Variants in THNSL1 observed in about 807,000 individuals in gnomAD.
THNSL1 encodes threonine synthase like 1.
A neutral mutation model predicts 50.4 loss-of-function variants in THNSL1; 48 were observed. The observed-to-expected ratio is 0.95, with a 90% CI of 0.76 to 1.21. THNSL1 has a LOEUF of 1.21. Among genes scored for constraint, THNSL1 ranks in the 50% most tolerant of loss-of-function variants. The probability of loss-of-function intolerance (pLI) is 0.00; values close to 1 mark genes in which losing one functional copy is unlikely to be tolerated. For missense variants in THNSL1, 896 were observed against 871.7 expected (o/e 1.03, Z -0.35); for synonymous variants, 309 against 306.1 (o/e 1.01, Z -0.10).
At chr10:25,021,713 T>G (rs1002797090) in intron 1 of THNSL1, 29 bp from the exon 2 acceptor site, 1 of 152,206 alleles carries the variant, frequency 6.6e-6, no homozygotes, top group African/African-American at 2.4e-5. Context: ...TATACAGTTA[T>G]GATTAACTTA....
At chr10:24,952,979 C>T in the THNSL1 span, among the ~76,000 whole-genome samples, 1 of 152,034 alleles carries the variant, frequency 6.6e-6, no homozygotes, top group Non-Finnish European at 1.5e-5. The surrounding 1 kb of genome is among the most constrained non-coding windows in gnomAD (Gnocchi z 5.1). Flanking sequence ...ACGTGTCCCC[C>T]AGGCCCCTGA....
At chr10:24,993,404 A>G in the THNSL1 span, among the ~76,000 whole-genome samples, 1 of 152,236 alleles carries the variant, frequency 6.6e-6, no homozygotes, top group East Asian at 1.9e-4. Context: ...GATTGTTGGA[A>G]ATCACAGTTA....
chr10:25,024,943 C>G lies in THNSL1; in HGVS notation c.1720C>G (p.Arg574Gly). The change falls in exon 3 of 3, where the codon CGA becomes GGA. Residue 574 changes from arginine (R) to glycine (G), a missense_variant. By Grantham distance (125) the Arg-to-Gly change is moderately radical. Transcript: ENST00000376356. ...TATTCTCAAATCTTCAAACCTAGAACGACATTTACACTTGATGGCTAATAA... is the reference window on the plus strand; with the variant it reads ...TATTCTCAAATCTTCAAACCTAGAAGGACATTTACACTTGATGGCTAATAA... Reference protein sequence around the residue: ...IDILKSSNLERHLHLMANKDG... With the variant: ...IDILKSSNLEGHLHLMANKDG... The G allele has an allele frequency of 6.2e-7, 1 of 1,613,978 alleles. No homozygotes were observed. Among genetic ancestry groups the G allele is most frequent in the East Asian group, 2.2e-5 (1 of 44,882 alleles).
chr10:25,024,438 A>G lies in THNSL1; in HGVS notation c.1215A>G (p.Ala405=), dbSNP rs34206149. The part of the protein sequence containing the change: ...KNDKQRIAVV[A]FFPENGVSDF... ...ATAAGCAAAGGATAGCTGTGGTTGCATTTTTTCCTGAGAATGGAGTAAGTG... is the reference window on the plus strand; with the variant it reads ...ATAAGCAAAGGATAGCTGTGGTTGCGTTTTTTCCTGAGAATGGAGTAAGTG... The change falls in exon 3 of 3, where the codon GCA becomes GCG. Residue 405 remains alanine, a synonymous_variant. Transcript: ENST00000376356. 1.5e-3 allele frequency: 2,434 copies of G among 1,614,070 alleles called. 20 individuals are homozygous for G. The highest frequency in any genetic ancestry group is 0.01 in the Middle Eastern group (61 of 6,062).
chr10:25,017,039 G>C lies in THNSL1; in HGVS notation c.-216+347G>C, dbSNP rs527937463. Among the ~76,000 whole-genome samples the C allele has an allele frequency of 2.6e-5, 4 of 152,268 alleles. No individual in the cohort carries two copies. The East Asian group carries it at 7.8e-4, about 30-fold the overall frequency. ...GCTCGCCCTCCCGCCCCTGCTCCCGGGACCGCCCCTTGGGCGGTCCTCCGG... is the reference window on the plus strand; with the variant it reads ...GCTCGCCCTCCCGCCCCTGCTCCCGCGACCGCCCCTTGGGCGGTCCTCCGG... On this transcript the variant is annotated intron_variant, in intron 1 of 2. Coordinates refer to ENST00000376356, the MANE Select transcript of THNSL1 (RefSeq NM_024838.5).
At chr10:25,003,822 C>T in the THNSL1 span, among the ~76,000 whole-genome samples, 81 of 152,332 alleles carry the variant, frequency 5.3e-4, no homozygotes, top group African/African-American at 1.8e-3. Flanking sequence ...TCCTCTCCCT[C>T]CTTCCACCCC....
chr10:24,968,050 TCCTGGCC>T, the THNSL1 span, among the ~76,000 whole-genome samples: 1 of 149,634 alleles, frequency 6.7e-6, no homozygotes, highest in Non-Finnish European at 1.5e-5. Flanking sequence ...CTGCTGGTAG[TCCTGGCC>T]ACCAGTTACA....
At chr10:24,955,428 A>G in the THNSL1 span, among the ~76,000 whole-genome samples, 2 of 152,252 alleles carry the variant, frequency 1.3e-5, no homozygotes, top group Non-Finnish European at 2.9e-5. Context: ...GTCTAAGCCA[A>G]TTATATCAGT....
chr10:24,968,572 T>A, the THNSL1 span, among the ~76,000 whole-genome samples: 1 of 152,076 alleles, frequency 6.6e-6, no homozygotes, highest in African/African-American at 2.4e-5. Flanking sequence ...CACCCACGAC[T>A]TTTCTCAGCC....
chr10:24,955,870 C>A, the THNSL1 span, among the ~76,000 whole-genome samples: 2 of 152,006 alleles, frequency 1.3e-5, no homozygotes, highest in Non-Finnish European at 2.9e-5. Context: ...TTGCTTGAGG[C>A]CAGAAGTTTG....
chr10:24,958,103 A>G, the THNSL1 span, among the ~76,000 whole-genome samples: 13 of 152,364 alleles, frequency 8.5e-5, no homozygotes, highest in African/African-American at 3.1e-4. Flanking sequence ...TAGATTGGAA[A>G]TACAGAAAGG....
chr10:24,986,698 T>C, the THNSL1 span, among the ~76,000 whole-genome samples: 2 of 152,212 alleles, frequency 1.3e-5, no homozygotes, highest in Non-Finnish European at 2.9e-5. Flanking sequence ...TAGTTTGCTT[T>C]TATCTTCCAG....
At chr10:24,974,275 T>C in the THNSL1 span, among the ~76,000 whole-genome samples, 1 of 148,018 alleles carries the variant, frequency 6.8e-6, no homozygotes. Context: ...TCTGATGTGA[T>C]TTTTAAAAAA....
At chr10:24,964,990 G>A in the THNSL1 span, among the ~76,000 whole-genome samples, 1 of 151,950 alleles carries the variant, frequency 6.6e-6, no homozygotes, top group Non-Finnish European at 1.5e-5. Flanking sequence ...TTGACTAGGA[G>A]GTTGAGGCTA....
At chr10:24,988,282 ATATATT>A in the THNSL1 span, among the ~76,000 whole-genome samples, 1 of 145,148 alleles carries the variant, frequency 6.9e-6, no homozygotes, top group Admixed American at 7.0e-5. Context: ...ATATGTGTAT[ATATATT>A]TATATATGTA....
Position 25,023,244 on chromosome 10 carries a change from TCA to T in THNSL1, c.22_23del (p.His8SerfsTer12). The T allele has an allele frequency of 1.2e-6, 2 of 1,612,518 alleles. No individual in the cohort carries two copies. On this transcript the variant is annotated frameshift_variant, in exon 3 of 3. Transcript: ENST00000376356. LOFTEE classifies it high-confidence loss of function. MLHFNRC[H>X]HLKKITQKCF... ...AGAGAATGCTCCACTTTAACCGATG[TCA>T]TCATCTGAAAAAGATAACACAGAAA... is the stretch of plus-strand genomic sequence containing the variant.
chr10:24,994,461 G>A, the THNSL1 span, among the ~76,000 whole-genome samples: 1 of 151,506 alleles, frequency 6.6e-6, no homozygotes, highest in African/African-American at 2.4e-5. Flanking sequence ...AGCCACCCGA[G>A]TAGCTGGGAT....
At chr10:24,963,901 A>G in the THNSL1 span, among the ~76,000 whole-genome samples, 3 of 152,228 alleles carry the variant, frequency 2.0e-5, no homozygotes, top group African/African-American at 7.2e-5. Context: ...CAGCTCTGTC[A>G]TGCTGTCATT....
At chr10:25,016,749 T>C (rs1320245922) in intron 1 of THNSL1, 57 bp downstream of exon 1, 3 of 152,356 alleles carry the variant, frequency 2.0e-5, no homozygotes, top group African/African-American at 7.2e-5. Context: ...TGCTCCCCCA[T>C]TTCCTTTCAT....
Sources: allele counts gnomAD v4.1 joint callset (sites outside exome capture counted in the v4.1 genomes callset), GRCh38; gene constraint gnomAD v4.1.1; non-coding constraint Gnocchi (gnomAD v3.1); transcripts MANE v1.5; gene names NCBI Gene and HGNC (gene_info 2026-07-23, HGNC 2026-07-21).